Variants in NCOR2 observed in about 807,000 individuals in gnomAD.
The protein encoded by NCOR2 is CTG repeat protein 26.
Under a neutral mutation model 262.9 loss-of-function variants are expected in NCOR2, and 81 were observed. The ratio of observed to expected loss-of-function variants is 0.31; its 90% confidence interval spans 0.26 to 0.37. NCOR2 has a LOEUF of 0.37. Ranked by LOEUF, NCOR2 falls within the 10% of genes least tolerant of loss-of-function variation. The pLI is 1.00. For missense variants in NCOR2, 3,385 were observed against 3,621.4 expected (o/e 0.93, Z 1.68); for synonymous variants, 1,659 against 1,559.3 (o/e 1.06, Z -1.51).
At chr12:124,553,459 C>T (rs2051779018) in intron 1 of NCOR2, among the ~76,000 whole-genome samples, 1 of 152,212 alleles carries the variant, frequency 6.6e-6, no homozygotes, top group South Asian at 2.1e-4. Context: ...CAAGGCCCCA[C>T]CCCACAGATT....
intron 36 of NCOR2, 43 bp from the exon 39 acceptor site, chr12:124,340,247 G>A (rs2036344656): frequency 5.6e-6 from 9 of 1,606,076 alleles, no homozygotes; most frequent in Non-Finnish European, 5.9e-6. Context: ...GCCTCTTGCG[G>A]CCCACAAGGA....
Position 124,440,240 on chromosome 12 carries a change from G to A in NCOR2, c.816-2244C>T, listed in dbSNP as rs1388364718. Reference sequence around the variant, plus strand: ...AAAGTTCCAAAGCTACTGACTGGGAGCCACGCTATGTCCAGCCCCCGGGAC... The same window carrying A: ...AAAGTTCCAAAGCTACTGACTGGGAACCACGCTATGTCCAGCCCCCGGGAC... On this transcript the variant is annotated intron_variant, in intron 7 of 46. Transcript: ENST00000405201. The surrounding 1 kb of genome is among the most constrained non-coding windows in gnomAD (Gnocchi z 5.7). Among the ~76,000 whole-genome samples the A allele has an allele frequency of 2.0e-5, 3 of 152,316 alleles. No individual in the cohort carries two copies. The highest frequency in any genetic ancestry group is 7.2e-5 in the African/African-American group (3 of 41,552).
chr12:124,376,038 C>T (rs1000441100), intron 18 of NCOR2, among the ~76,000 whole-genome samples: 21 of 152,206 alleles, frequency 1.4e-4, no homozygotes, highest in Admixed American at 4.6e-4. Flanking sequence ...AGACCCCGAG[C>T]CTACCGGCTA....
intron 1 of NCOR2, among the ~76,000 whole-genome samples, chr12:124,505,669 G>C (rs1004789080): frequency 1.2e-4 from 18 of 152,186 alleles, no homozygotes; most frequent in African/African-American, 3.6e-4. Flanking sequence ...AGATTCACTG[G>C]AAAAAAGAGC....
rs979332478 is a variant in NCOR2, at chr12:124,517,692, C to G, written c.-118+17873G>C. ...CCCCAAGGCTCGCCATGCTCCCCCCCAGGGACGCCGGATGTGCACCAAGGA... is the reference window on the plus strand; with the variant it reads ...CCCCAAGGCTCGCCATGCTCCCCCCGAGGGACGCCGGATGTGCACCAAGGA... On this transcript the variant is annotated intron_variant, in intron 1 of 46. Coordinates refer to the NCOR2 transcript ENST00000404621. This position sits in a 1 kb window ranked among gnomAD's most constrained non-coding sequence, Gnocchi z 7.6. Among the ~76,000 whole-genome samples, 5 of 152,238 alleles carry G rather than the reference C, an allele frequency of 3.3e-5. No individual in the cohort carries two copies. Among genetic ancestry groups the G allele is most frequent in the Admixed American group, 6.5e-5 (1 of 15,290 alleles).
chr12:124,451,973 G>A (rs1315989851), intron 6 of NCOR2, among the ~76,000 whole-genome samples: 1 of 152,122 alleles, frequency 6.6e-6, no homozygotes, highest in Non-Finnish European at 1.5e-5. Flanking sequence ...ACTGGGCTCG[G>A]GCAATTCCAG....
At chr12:124,451,549 CTG>C (rs568707620) in intron 6 of NCOR2, among the ~76,000 whole-genome samples, 3 of 148,730 alleles carry the variant, frequency 2.0e-5, no homozygotes, top group Admixed American at 1.4e-4. Flanking sequence ...GCCTGAGTCT[CTG>C]TGTGTGTGTG....
chr12:124,355,122 C>T lies in NCOR2; in HGVS notation c.3382-183G>A, dbSNP rs570881940. ...CTCGGCCCCCTCCCCTGTGAAGGGG[C>T]CATGCCCTCTGAGCCCCTTGCATTT... is the stretch of plus-strand genomic sequence containing the variant. On this transcript the variant is annotated intron_variant, in intron 24 of 46. Coordinates refer to ENST00000405201, the Ensembl canonical transcript of NCOR2. The T allele has an allele frequency of 3.8e-5, 24 of 625,786 alleles. No homozygotes were observed. In the South Asian group the frequency reaches 4.3e-4, roughly 11 times the overall value. The allele number at this position is 625,786 out of a possible 1,614,324, so 38.8% of individuals were successfully genotyped here. A position where few individuals can be genotyped will look rare whatever the true frequency, so the allele number is the denominator to read the frequency against.
exon 22 of NCOR2, chr12:124,362,272 G>T: frequency 6.1e-6 from 8 of 1,313,812 alleles, no homozygotes; most frequent in Non-Finnish European, 6.8e-6. Flanking sequence ...GTCCTCCCGG[G>T]GGGGCTCATG....
At chr12:124,411,813 AG>A (rs2042601411) in intron 13 of NCOR2, among the ~76,000 whole-genome samples, 2 of 152,164 alleles carry the variant, frequency 1.3e-5, no homozygotes, top group African/African-American at 2.4e-5. Flanking sequence ...GCCTCAACCC[AG>A]CCTCCAGGCT....
intron 12 of NCOR2, among the ~76,000 whole-genome samples, chr12:124,422,274 A>C (rs943013581): frequency 6.6e-6 from 1 of 152,176 alleles, no homozygotes; most frequent in Non-Finnish European, 1.5e-5. Context: ...GGTGCTCAGC[A>C]ACCTGAGGCT....
intron 1 of NCOR2, among the ~76,000 whole-genome samples, chr12:124,558,674 C>G (rs565234196): frequency 1.7e-3 from 256 of 152,232 alleles, no homozygotes; most frequent in African/African-American, 5.8e-3. Flanking sequence ...TTGGGACATC[C>G]CTGAGCAATG....
intron 13 of NCOR2, among the ~76,000 whole-genome samples, chr12:124,410,639 G>A (rs987488278): frequency 7.9e-5 from 12 of 152,188 alleles, no homozygotes; most frequent in East Asian, 5.8e-4. Flanking sequence ...ACAAGCCCTC[G>A]GCCTGGGAGC....
intron 19 of NCOR2, 80 bp downstream of exon 21, chr12:124,374,333 T>G (rs2039808562): frequency 7.0e-7 from 1 of 1,428,020 alleles, no homozygotes; most frequent in African/African-American, 1.4e-5. Flanking sequence ...AGAAGCGGGG[T>G]TCCTTGTGGA....
intron 24 of NCOR2, 75 bp from the exon 27 acceptor site, chr12:124,355,014 G>T: frequency 7.6e-7 from 1 of 1,313,054 alleles, no homozygotes. Flanking sequence ...TGACGCTCCT[G>T]TTCAAAAAGC....
chr12:124,493,541 G>C (rs955728953), intron 1 of NCOR2, among the ~76,000 whole-genome samples: 2 of 152,218 alleles, frequency 1.3e-5, no homozygotes, highest in Non-Finnish European at 2.9e-5. Context: ...AACTTGTCCA[G>C]TTTCCTACCC....
At chr12:124,447,204 C>T (rs1312638920) in intron 7 of NCOR2, among the ~76,000 whole-genome samples, 1 of 152,232 alleles carries the variant, frequency 6.6e-6, no homozygotes, top group Non-Finnish European at 1.5e-5. Flanking sequence ...CGTGAGCCAC[C>T]GCGCCCAGCA....
intron 9 of NCOR2, 96 bp downstream of exon 11, chr12:124,430,519 T>A: frequency 6.9e-7 from 1 of 1,445,402 alleles, no homozygotes; most frequent in Admixed American, 2.2e-5. Flanking sequence ...GCTGCTGTGC[T>A]GTTCTGTTCC....
chr12:124,365,541 G>T (rs1282631763), intron 20 of NCOR2, among the ~76,000 whole-genome samples: 2 of 152,208 alleles, frequency 1.3e-5, no homozygotes, highest in African/African-American at 4.8e-5. Flanking sequence ...TGACCGGCCT[G>T]TTCTGCAGGT....
Sources: allele counts gnomAD v4.1 joint callset (sites outside exome capture counted in the v4.1 genomes callset), GRCh38; gene constraint gnomAD v4.1.1; non-coding constraint Gnocchi (gnomAD v3.1); transcripts MANE v1.5; gene names NCBI Gene and HGNC (gene_info 2026-07-23, HGNC 2026-07-21).